Variants in SH3PXD2A observed in about 807,000 individuals in gnomAD.
SH3PXD2A encodes the protein SH3 and PX domains 2A.
Under a neutral mutation model 115.2 loss-of-function variants are expected in SH3PXD2A, and 32 were observed. The observed-to-expected ratio is 0.28, with a 90% CI of 0.21 to 0.37. The LOEUF (loss-of-function observed/expected upper bound fraction) is 0.37, where lower values mean the gene tolerates loss of function less well. Ranked by LOEUF, SH3PXD2A falls within the 10% of genes least tolerant of loss-of-function variation. SH3PXD2A has a pLI of 1.00. For missense variants in SH3PXD2A, 1,328 were observed against 1,498.7 expected (o/e 0.89, Z 1.88); for synonymous variants, 610 against 629.1 (o/e 0.97, Z 0.45).
chr10:103,846,532 T>C (rs1203935997), intron 1 of SH3PXD2A, among the ~76,000 whole-genome samples: 4 of 152,202 alleles, frequency 2.6e-5, no homozygotes, highest in African/African-American at 9.7e-5. Context: ...ATAGCATCCC[T>C]GCCCTAGATA....
chr10:103,610,345 G>C (rs1208835804), intron 13 of SH3PXD2A, among the ~76,000 whole-genome samples: 1 of 152,236 alleles, frequency 6.6e-6, no homozygotes, highest in East Asian at 1.9e-4. Context: ...CCCACATTTG[G>C]TAAGTGTGGA....
At chr10:103,655,756 G>A (rs2037201549) in intron 8 of SH3PXD2A, among the ~76,000 whole-genome samples, 2 of 118,200 alleles carry the variant, frequency 1.7e-5, no homozygotes, top group Admixed American at 2.3e-4. Context: ...CTGGGTGACA[G>A]AGCAAGACCC....
chr10:103,752,813 A>AG (rs976503746), intron 3 of SH3PXD2A, among the ~76,000 whole-genome samples: 5 of 152,224 alleles, frequency 3.3e-5, no homozygotes, highest in African/African-American at 1.2e-4. Context: ...GTTACTTCAT[A>AG]GGTTTGGGTT....
chr10:103,853,004 C>G (rs974203858), intron 1 of SH3PXD2A, among the ~76,000 whole-genome samples: 3 of 152,198 alleles, frequency 2.0e-5, no homozygotes, highest in African/African-American at 7.2e-5. Context: ...TCTGCCCGTT[C>G]CACAATTCCA....
intron 5 of SH3PXD2A, among the ~76,000 whole-genome samples, chr10:103,718,783 A>ACACACACG (rs1388918486): frequency 1.3e-5 from 2 of 150,620 alleles, no homozygotes; most frequent in African/African-American, 4.9e-5. Flanking sequence ...ACACACACAC[A>ACACACACG]CACACACACA....
intron 4 of SH3PXD2A, among the ~76,000 whole-genome samples, chr10:103,734,659 G>C (rs1040164171): frequency 3.9e-5 from 6 of 152,212 alleles, no homozygotes; most frequent in African/African-American, 1.4e-4. Flanking sequence ...TGAGGCATGA[G>C]AATTGCTTGA....
intron 14 of SH3PXD2A, among the ~76,000 whole-genome samples, chr10:103,605,448 AT>A (rs1301252744): frequency 6.6e-6 from 1 of 152,168 alleles, no homozygotes; most frequent in Non-Finnish European, 1.5e-5. Flanking sequence ...AAGCCCTGCA[AT>A]TAAAACAACA....
chr10:103,844,244 GGCACTGC>G (rs1299677881), intron 1 of SH3PXD2A, among the ~76,000 whole-genome samples: 1 of 152,200 alleles, frequency 6.6e-6, no homozygotes, highest in African/African-American at 2.4e-5. Flanking sequence ...CTGGGTGCCA[GGCACTGC>G]GCTGAGGGCT....
intron 1 of SH3PXD2A, among the ~76,000 whole-genome samples, chr10:103,807,737 T>C (rs2039221551): frequency 6.6e-6 from 1 of 152,338 alleles, no homozygotes; most frequent in Non-Finnish European, 1.5e-5. Context: ...CTTGAGGTCA[T>C]ACGATCTCTT....
intron 6 of SH3PXD2A, among the ~76,000 whole-genome samples, chr10:103,670,023 C>T (rs1362642610): frequency 2.0e-5 from 3 of 152,224 alleles, no homozygotes; most frequent in Admixed American, 6.5e-5. Flanking sequence ...ACAGCTAGTA[C>T]AGCAGTGTCC....
chr10:103,827,404 A>G (rs553321833), intron 1 of SH3PXD2A, among the ~76,000 whole-genome samples: 1 of 152,146 alleles, frequency 6.6e-6, no homozygotes, highest in Non-Finnish European at 1.5e-5. Flanking sequence ...CTATCATGGT[A>G]TCATGCAAAG....
chr10:103,603,489 C>T lies in SH3PXD2A; in HGVS notation c.1729G>A (p.Glu577Lys). 6.2e-7 allele frequency: 1 copy of T among 1,611,480 alleles called. No homozygotes were observed. Among genetic ancestry groups the T allele is most frequent in the Non-Finnish European group, 8.5e-7 (1 of 1,178,700 alleles). ...SEPELSEEPVEDRASGERRPA... is the reference protein window; with the variant it reads ...SEPELSEEPVKDRASGERRPA... ...CGCCTCTCCCCTGAGGCTCTGTCCT[C>T]CACGGGCTCCTCGCTCAGCTCAGGC... Residue 577 changes from glutamate (E) to lysine (K), a missense_variant, in exon 15 of 15, where the codon GAG becomes AAG. By Grantham distance (56) the Glu-to-Lys change is moderately conservative (BLOSUM62 1). Transcript: ENST00000369774.
chr10:103,767,814 T>TG (rs35783741), intron 2 of SH3PXD2A, among the ~76,000 whole-genome samples: 37,280 of 145,314 alleles, frequency 0.26, 5,124 homozygotes, highest in African/African-American at 0.33. Context: ...TGTTTTGTTT[T>TG]TTTTTTTTTT....
intron 1 of SH3PXD2A, among the ~76,000 whole-genome samples, chr10:103,839,876 A>T (rs1361387167): frequency 1.3e-5 from 2 of 152,242 alleles, no homozygotes; most frequent in Non-Finnish European, 2.9e-5. Flanking sequence ...CGCCATGCAC[A>T]CATGCCTCAC....
chr10:103,835,885 A>G (rs1167945061), intron 1 of SH3PXD2A, among the ~76,000 whole-genome samples: 1 of 152,160 alleles, frequency 6.6e-6, no homozygotes, highest in Non-Finnish European at 1.5e-5. Flanking sequence ...AAGTGCCCCA[A>G]GTGGAGAGGG....
At chr10:103,773,563 T>C (rs1029709378) in intron 2 of SH3PXD2A, among the ~76,000 whole-genome samples, 2 of 151,768 alleles carry the variant, frequency 1.3e-5, no homozygotes, top group South Asian at 4.2e-4. Context: ...CCTCAGCCTC[T>C]TGAGTAGCTG....
chr10:103,855,157 G>C (rs1229536173), intron 1 of SH3PXD2A, 38 bp downstream of exon 1: 3 of 1,476,918 alleles, frequency 2.0e-6, no homozygotes, highest in Non-Finnish European at 1.8e-6. Context: ...CCGGGACCTC[G>C]GGCCACCCCC....
chr10:103,660,125 C>T (rs1259167541), intron 8 of SH3PXD2A, among the ~76,000 whole-genome samples: 1 of 152,140 alleles, frequency 6.6e-6, no homozygotes, highest in Non-Finnish European at 1.5e-5. Flanking sequence ...AGGGGCCTTC[C>T]CTGCAGCAAA....
In SH3PXD2A at chr10:103,703,270, T is replaced by C. The variant is rs115819108; in HGVS notation, c.399-10214A>G. Reference sequence around the variant, plus strand: ...GTGAAGGAACCTGAACCTCCCAGACTTTCCTAGACACCATGTGACAAACCC... The same window carrying C: ...GTGAAGGAACCTGAACCTCCCAGACCTTCCTAGACACCATGTGACAAACCC... On this transcript the variant is annotated intron_variant, in intron 5 of 14. Transcript: ENST00000369774. Among the ~76,000 whole-genome samples, 903 of 152,306 alleles carry C rather than the reference T, an allele frequency of 5.9e-3. 13 individuals are homozygous for C. The highest frequency in any genetic ancestry group is 0.021 in the African/African-American group (877 of 41,568).
Sources: allele counts gnomAD v4.1 joint callset (sites outside exome capture counted in the v4.1 genomes callset), GRCh38; gene constraint gnomAD v4.1.1; transcripts MANE v1.5; gene names NCBI Gene and HGNC (gene_info 2026-07-23, HGNC 2026-07-21).